The following ANKRD13C variants were observed in gnomAD, a reference collection of about 807,000 sequenced individuals.
ANKRD13C encodes ankyrin repeat domain 13C, also known as ankyrin repeat domain-containing protein 13C.
A neutral mutation model predicts 65.5 loss-of-function variants in ANKRD13C; 16 were observed. The observed-to-expected ratio is 0.24, with a 90% CI of 0.17 to 0.37. The LOEUF (loss-of-function observed/expected upper bound fraction) is 0.37, where lower values mean the gene tolerates loss of function less well. Among genes scored for constraint, ANKRD13C ranks in the 10% least tolerant of loss-of-function variants. The pLI is 1.00. For missense variants in ANKRD13C, 503 were observed against 655.9 expected (o/e 0.77, Z 2.55); for synonymous variants, 235 against 238.7 (o/e 0.98, Z 0.14).
At chr1:70,292,673 A>T (rs547606073) in intron 8 of ANKRD13C, 124 bp from the exon 9 acceptor site, 71 of 690,650 alleles carry the variant, frequency 1.0e-4, no homozygotes, top group Middle Eastern at 8.0e-4. Context: ...ACTTGAAATT[A>T]TCAAACTATC....
intron 9 of ANKRD13C, among the ~76,000 whole-genome samples, chr1:70,278,774 TC>T (rs1229429180): frequency 3.9e-5 from 6 of 152,164 alleles, no homozygotes; most frequent in African/African-American, 1.2e-4. Context: ...TGAGTTAGAA[TC>T]CCAGCTCCAA....
At chr1:70,333,637 A>G (rs1270666723) in intron 2 of ANKRD13C, among the ~76,000 whole-genome samples, 1 of 152,234 alleles carries the variant, frequency 6.6e-6, no homozygotes. Context: ...GAAATTTGCG[A>G]ACCTAAGAAA....
At chr1:70,323,975 C>T (rs1020748072) in intron 3 of ANKRD13C, among the ~76,000 whole-genome samples, 2 of 152,104 alleles carry the variant, frequency 1.3e-5, no homozygotes, top group Non-Finnish European at 2.9e-5. Context: ...ATCCACCCGC[C>T]TCAGCCTCCC....
chr1:70,263,954 ATACCT>A (rs1678494538), intron 12 of ANKRD13C, among the ~76,000 whole-genome samples: 1 of 152,196 alleles, frequency 6.6e-6, no homozygotes, highest in Non-Finnish European at 1.5e-5. Flanking sequence ...GGAAAACAAA[ATACCT>A]TAATTAGATT....
chr1:70,280,718 G>A (rs1290426697), intron 9 of ANKRD13C, among the ~76,000 whole-genome samples: 2 of 152,146 alleles, frequency 1.3e-5, no homozygotes, highest in African/African-American at 2.4e-5. Context: ...ATAAAAATGG[G>A]CTGTTAAATG....
chr1:70,320,741 GAA>G (rs1044630378), intron 3 of ANKRD13C, among the ~76,000 whole-genome samples: 2 of 151,626 alleles, frequency 1.3e-5, no homozygotes, highest in African/African-American at 4.8e-5. Flanking sequence ...ACAAAGTTTT[GAA>G]AACTCAGGAG....
chr1:70,272,549 T>C (rs937392190), intron 11 of ANKRD13C, among the ~76,000 whole-genome samples: 1 of 152,098 alleles, frequency 6.6e-6, no homozygotes, highest in African/African-American at 2.4e-5. Context: ...TCAAGAGTAG[T>C]GGTTATAACT....
chr1:70,338,885 T>C (rs904747464), intron 1 of ANKRD13C, among the ~76,000 whole-genome samples: 1 of 152,196 alleles, frequency 6.6e-6, no homozygotes, highest in African/African-American at 2.4e-5. Flanking sequence ...TTTCAAAATA[T>C]TGAACTAAAT....
intron 1 of ANKRD13C, among the ~76,000 whole-genome samples, chr1:70,338,180 C>T (rs1468522932): frequency 6.6e-6 from 1 of 152,128 alleles, no homozygotes; most frequent in East Asian, 1.9e-4. Flanking sequence ...TCTCCTCCCA[C>T]GTAGAAATTG....
chr1:70,352,065 C>A (rs992399523), intron 1 of ANKRD13C, among the ~76,000 whole-genome samples: 3 of 152,074 alleles, frequency 2.0e-5, no homozygotes, highest in Non-Finnish European at 4.4e-5. Context: ...CAAGGCCAGG[C>A]GCGGTGGCTC....
chr1:70,331,946 T>C (rs1681826258), intron 2 of ANKRD13C, among the ~76,000 whole-genome samples: 1 of 152,228 alleles, frequency 6.6e-6, no homozygotes, highest in Admixed American at 6.5e-5. Flanking sequence ...TCAAGTTTGT[T>C]TGAGTTATTT....
intron 11 of ANKRD13C, among the ~76,000 whole-genome samples, chr1:70,273,395 G>C (rs112463000): frequency 2.6e-5 from 4 of 152,254 alleles, no homozygotes; most frequent in African/African-American, 7.2e-5. Flanking sequence ...AACTATAGTT[G>C]TATCAGTCAG....
At chr1:70,294,459 C>T (rs370612926) in intron 8 of ANKRD13C, among the ~76,000 whole-genome samples, 4 of 152,006 alleles carry the variant, frequency 2.6e-5, no homozygotes, top group African/African-American at 7.2e-5. Flanking sequence ...TAACAATCAA[C>T]GGACTTTAAG....
At chr1:70,299,653 A>G (rs1037408846) in intron 7 of ANKRD13C, among the ~76,000 whole-genome samples, 1 of 152,242 alleles carries the variant, frequency 6.6e-6, no homozygotes, top group Non-Finnish European at 1.5e-5. Context: ...TATCAAAAAT[A>G]ACTCCTAGGT....
chr1:70,328,561 C>A (rs1681648782), intron 2 of ANKRD13C, among the ~76,000 whole-genome samples: 1 of 152,148 alleles, frequency 6.6e-6, no homozygotes, highest in Non-Finnish European at 1.5e-5. Flanking sequence ...TACTTGGAGG[C>A]TGAGTCAGAA....
chr1:70,286,110 T>C (rs1404692189), intron 9 of ANKRD13C, among the ~76,000 whole-genome samples: 1 of 152,192 alleles, frequency 6.6e-6, no homozygotes, highest in East Asian at 1.9e-4. Flanking sequence ...CCAGTATCTT[T>C]CTATAATTAC....
rs942616631 is a variant in ANKRD13C, at chr1:70,260,228, C to T, written c.*2489G>A. 1.3e-5 allele frequency among the ~76,000 whole-genome samples: 2 copies of T among 152,074 alleles called. No homozygotes were observed. The highest frequency in any genetic ancestry group is 2.9e-5 in the Non-Finnish European group (2 of 67,992). On this transcript the variant is annotated 3_prime_UTR_variant, in exon 13 of 13. Transcript: ENST00000370944. ...ATCAGGGCATCTACTTCATACTACCCTTTTATGAAGTTTGGCAATTCTCTG... is the reference window on the plus strand; with the variant it reads ...ATCAGGGCATCTACTTCATACTACCTTTTTATGAAGTTTGGCAATTCTCTG...
rs1339672712 is a variant in ANKRD13C at position 70,347,125 on chromosome 1, C to CATAG, written c.430+6850_430+6853dup. ...AAAAAAAAAAAAAAAAAAGGCAGTTCATAGAGAAGCATGGTCTCAAACTCA... is the reference window on the plus strand; with the variant it reads ...AAAAAAAAAAAAAAAAAAGGCAGTTCATAGATAGAGAAGCATGGTCTCAAACTCA... On this transcript the variant is annotated intron_variant, in intron 1 of 12. Transcript: ENST00000370944. Among the ~76,000 whole-genome samples the CATAG allele has an allele frequency of 2.2e-4, 31 of 142,330 alleles. No individual in the cohort carries two copies. In the East Asian group the frequency reaches 5.1e-3, roughly 23 times the overall value. The allele number at this position is 142,330 out of a possible 152,430, so 93.4% of individuals were successfully genotyped here.
chr1:70,294,595 C>G (rs1415669960), intron 8 of ANKRD13C, among the ~76,000 whole-genome samples: 2 of 151,524 alleles, frequency 1.3e-5, no homozygotes, highest in African/African-American at 4.8e-5. Flanking sequence ...ACACAGAAAC[C>G]CTGCTTGAGT....
Sources: allele counts gnomAD v4.1 joint callset (sites outside exome capture counted in the v4.1 genomes callset), GRCh38; gene constraint gnomAD v4.1.1; transcripts MANE v1.5; gene names NCBI Gene and HGNC (gene_info 2026-07-23, HGNC 2026-07-21).